Variants in CEP85L observed in about 807,000 individuals in gnomAD.
CEP85L encodes the protein centrosomal protein of 85 kDa-like.
Under a neutral mutation model 100.3 loss-of-function variants are expected in CEP85L, and 60 were observed. The ratio of observed to expected loss-of-function variants is 0.60; its 90% confidence interval spans 0.49 to 0.74. CEP85L has a LOEUF of 0.74. CEP85L is among the 30% of genes least tolerant of loss of function. CEP85L has a pLI of 0.00. For synonymous variants in CEP85L, 319 were observed against 322.7 expected, an observed-to-expected ratio of 0.99 and a Z score of 0.12; for missense variants, 973 against 936.2, an observed-to-expected ratio of 1.04 and a Z score of -0.51.
chr6:118,523,906 T>C lies in CEP85L; in HGVS notation c.1035A>G (p.Ser345=), dbSNP rs1277284401. ...AGCCAGGTGAATAACTTTGACGAGA[T>C]GATCCAGTCAAAACCTGCAGAAACA... ...SETPMQVLTG[S]SRQSYSPGYQ... is the part of the protein sequence containing the mutation. Residue 345 remains serine (S), a synonymous_variant, in exon 4 of 13, where the codon TCA becomes TCG. Transcript: ENST00000368491. 1.9e-6 allele frequency: 3 copies of C among 1,587,978 alleles called. No homozygotes were observed. Among genetic ancestry groups the C allele is most frequent in the East Asian group, 2.2e-5 (1 of 44,526 alleles).
chr6:118,552,280 G>T lies in CEP85L; in HGVS notation c.1020+13249C>A, dbSNP rs991046283. 1.6e-4 allele frequency among the ~76,000 whole-genome samples: 24 copies of T among 151,878 alleles called. 1 individual carries two copies. The highest frequency in any genetic ancestry group is 1.2e-3 in the Admixed American group (19 of 15,240). Reference sequence around the variant, plus strand: ...CAGGAATTTATTATTTCAGCAAAAGGAATACCACCAAAAATACTGAAGTTT... The same window carrying T: ...CAGGAATTTATTATTTCAGCAAAAGTAATACCACCAAAAATACTGAAGTTT... On this transcript the variant is annotated intron_variant, in intron 3 of 12. Coordinates refer to ENST00000368491, the MANE Select transcript of CEP85L (RefSeq NM_001042475.3).
intron 1 of CEP85L, among the ~76,000 whole-genome samples, chr6:118,680,709 TC>T (rs144155383): frequency 0.36 from 54,614 of 151,608 alleles, 10,047 homozygotes; most frequent in Middle Eastern, 0.42. Context: ...AAACCCTGCC[TC>T]TACAAAAATA....
chr6:118,498,515 C>T (rs2496352), intron 5 of CEP85L, among the ~76,000 whole-genome samples: 144,596 of 151,052 alleles, frequency 0.96, 69,230 homozygotes, highest in South Asian at 0.97. Context: ...AATCTAGCAG[C>T]TTGGGAGGCC....
intron 2 of CEP85L, among the ~76,000 whole-genome samples, chr6:118,585,976 A>G (rs1272003242): frequency 6.6e-6 from 1 of 152,188 alleles, no homozygotes; most frequent in African/African-American, 2.4e-5. Context: ...CTGAGGTAAT[A>G]AAAGTATTAG....
chr6:118,586,225 G>A (rs1187043041), intron 2 of CEP85L, among the ~76,000 whole-genome samples: 2 of 152,068 alleles, frequency 1.3e-5, no homozygotes, highest in Non-Finnish European at 2.9e-5. Context: ...TTCCTCCCAC[G>A]GCCTTACTAC....
At chr6:118,564,056 C>T (rs984879737) in intron 3 of CEP85L, among the ~76,000 whole-genome samples, 1 of 152,162 alleles carries the variant, frequency 6.6e-6, no homozygotes, top group African/African-American at 2.4e-5. Flanking sequence ...GTTGCCTTCT[C>T]TCTCTACTAT....
chr6:118,680,842 C>T (rs995691072), intron 1 of CEP85L, among the ~76,000 whole-genome samples: 2 of 151,600 alleles, frequency 1.3e-5, no homozygotes, highest in African/African-American at 4.9e-5. Flanking sequence ...TGCCTCTGCA[C>T]TCCAGCCTGG....
chr6:118,602,511 C>T (rs1464745653), intron 2 of CEP85L, among the ~76,000 whole-genome samples: 1 of 152,190 alleles, frequency 6.6e-6, no homozygotes, highest in East Asian at 1.9e-4. Flanking sequence ...TTGTTCTGAG[C>T]AACAGTCAGA....
chr6:118,566,245 C>G lies in CEP85L; in HGVS notation c.304G>C (p.Val102Leu). 6.2e-7 allele frequency: 1 copy of G among 1,614,044 alleles called. No individual in the cohort carries two copies. Among genetic ancestry groups the G allele is most frequent in the Non-Finnish European group, 8.5e-7 (1 of 1,179,966 alleles). Reference protein sequence around the residue: ...QSLITLPTAHVMPSNSSASIS... With the variant: ...QSLITLPTAHLMPSNSSASIS... ...GAAGCGCTGGAATTAGACGGCATCACATGGGCAGTAGGAAGAGTAATCAAT... is the reference window on the plus strand; with the variant it reads ...GAAGCGCTGGAATTAGACGGCATCAGATGGGCAGTAGGAAGAGTAATCAAT... The change falls in exon 3 of 13, where the codon GTG becomes CTG. Residue 102 changes from valine to leucine, a missense_variant. Coordinates refer to ENST00000368491, the MANE Select transcript of CEP85L (RefSeq NM_001042475.3).
chr6:118,651,645 G>A, upstream of CEP85L: 4 of 1,011,172 alleles, frequency 4.0e-6, no homozygotes, highest in South Asian at 1.8e-4. Context: ...GAGGGGGCGG[G>A]GCCTCGGGCA....
intron 1 of CEP85L, among the ~76,000 whole-genome samples, chr6:118,647,982 G>A (rs1163365814): frequency 6.6e-6 from 1 of 152,172 alleles, no homozygotes; most frequent in African/African-American, 2.4e-5. Context: ...AGCTGGGCGC[G>A]GTTACTCATG....
In CEP85L at chr6:118,558,626, T is replaced by TACACACAC. The variant is rs371775061; in HGVS notation, c.1020+6895_1020+6902dup. 0.048 allele frequency among the ~76,000 whole-genome samples: 5,327 copies of TACACACAC among 111,244 alleles called. 127 individuals carry two copies. Among genetic ancestry groups the TACACACAC allele is most frequent in the South Asian group, 0.081 (210 of 2,606 alleles). The allele number at this position is 111,244 out of a possible 152,430, so 73.0% of individuals were successfully genotyped here. The stretch of plus-strand genomic sequence containing the variant: ...ACAGACACATAGAAACACGTGCACA[T>TACACACAC]ACACACACACACACACACACACACA... On this transcript the variant is annotated intron_variant, in intron 3 of 12. Transcript: ENST00000368491.
intron 5 of CEP85L, among the ~76,000 whole-genome samples, chr6:118,499,869 C>A (rs1775163945): frequency 6.6e-6 from 1 of 151,890 alleles, no homozygotes; most frequent in Admixed American, 6.6e-5. Flanking sequence ...CAACATCATA[C>A]TGGAAGTGCT....
chr6:118,533,743 A>G (rs1020460042), intron 3 of CEP85L, among the ~76,000 whole-genome samples: 6 of 152,214 alleles, frequency 3.9e-5, no homozygotes, highest in Admixed American at 1.3e-4. Flanking sequence ...AGAGCTATAC[A>G]TAGATAATAC....
At chr6:118,659,716 AC>A (rs1252852403) in intron 1 of CEP85L, among the ~76,000 whole-genome samples, 2 of 152,216 alleles carry the variant, frequency 1.3e-5, no homozygotes, top group Non-Finnish European at 2.9e-5. Context: ...TTCTTTGCTC[AC>A]CCTTGAAGGT....
At chr6:118,549,581 TTTCC>T (rs1374036622) in intron 3 of CEP85L, among the ~76,000 whole-genome samples, 5 of 151,956 alleles carry the variant, frequency 3.3e-5, no homozygotes, top group Admixed American at 1.3e-4. Flanking sequence ...TGTAAGCAGC[TTTCC>T]TTAAGACATA....
At chr6:118,520,863 A>G (rs1776624536) in intron 4 of CEP85L, among the ~76,000 whole-genome samples, 1 of 152,196 alleles carries the variant, frequency 6.6e-6, no homozygotes, top group African/African-American at 2.4e-5. Context: ...TATAGTGGCA[A>G]ATGTTTTTCT....
intron 5 of CEP85L, among the ~76,000 whole-genome samples, chr6:118,510,249 A>C (rs1186250266): frequency 9.4e-6 from 1 of 106,224 alleles, no homozygotes; most frequent in African/African-American, 3.2e-5. Context: ...TCATTGTAGA[A>C]AAAATTACAT....
intron 2 of CEP85L, among the ~76,000 whole-genome samples, chr6:118,582,766 C>T (rs1405895551): frequency 2.0e-5 from 3 of 152,108 alleles, no homozygotes; most frequent in East Asian, 3.8e-4. Flanking sequence ...ATGATTCAGT[C>T]GAGGGACAGC....
Sources: gnomAD v4.1 joint callset for allele counts (sites outside exome capture counted in the v4.1 genomes callset) on GRCh38, gnomAD v4.1.1 for gene constraint, MANE v1.5 for transcripts, NCBI Gene and HGNC (gene_info 2026-07-23, HGNC 2026-07-21) for gene names.